PDE3B: variants seen among roughly 807,000 people sequenced by gnomAD.
PDE3B encodes phosphodiesterase 3B.
PDE3B carries 66 observed loss-of-function variants against 116.8 expected under a neutral mutation model. The ratio of observed to expected loss-of-function variants is 0.56; its 90% confidence interval spans 0.46 to 0.69. PDE3B has a LOEUF of 0.69. PDE3B is among the 30% of genes least tolerant of loss of function. The probability of loss-of-function intolerance (pLI) is 0.00; values close to 1 mark genes in which losing one functional copy is unlikely to be tolerated. For synonymous variants in PDE3B, 595 were observed against 533.6 expected (o/e 1.12, Z -1.59); for missense variants, 1,384 against 1,368.1 (o/e 1.01, Z -0.18).
chr11:14,654,485 A>G (rs548559377), intron 1 of PDE3B, among the ~76,000 whole-genome samples: 1 of 152,296 alleles, frequency 6.6e-6, no homozygotes, highest in East Asian at 1.9e-4. Context: ...AAGCTAAAAC[A>G]ATTTTAGAAA....
At chr11:14,833,583 C>A (rs1004921715) in intron 10 of PDE3B, among the ~76,000 whole-genome samples, 6 of 152,010 alleles carry the variant, frequency 3.9e-5, no homozygotes, top group Admixed American at 3.3e-4. Flanking sequence ...CAGTTTTTAA[C>A]TGTGTTCTGA....
chr11:14,746,351 C>T (rs1411372086), intron 1 of PDE3B, among the ~76,000 whole-genome samples: 3 of 152,166 alleles, frequency 2.0e-5, no homozygotes, highest in African/African-American at 7.2e-5. Flanking sequence ...CACCAGTGCA[C>T]TCCAGCCTGG....
At chr11:14,664,539 AAGAG>A (rs766471169) in intron 1 of PDE3B, among the ~76,000 whole-genome samples, 1 of 152,054 alleles carries the variant, frequency 6.6e-6, no homozygotes, top group Non-Finnish European at 1.5e-5. Context: ...TAAAGAAGAA[AAGAG>A]AGAAGAATCA....
intron 1 of PDE3B, among the ~76,000 whole-genome samples, chr11:14,672,835 T>C (rs1292369951): frequency 2.0e-5 from 3 of 152,046 alleles, no homozygotes; most frequent in African/African-American, 4.8e-5. Flanking sequence ...ATTCCACTGG[T>C]ACTTAGTCAT....
chr11:14,865,656 A>C (rs1022143627), intron 14 of PDE3B, among the ~76,000 whole-genome samples: 1 of 152,164 alleles, frequency 6.6e-6, no homozygotes, highest in Admixed American at 6.5e-5. Flanking sequence ...AATTATATTT[A>C]ATTTCGGGTA....
intron 7 of PDE3B, among the ~76,000 whole-genome samples, chr11:14,826,617 T>C (rs1436837058): frequency 6.6e-6 from 1 of 152,078 alleles, no homozygotes; most frequent in Non-Finnish European, 1.5e-5. Flanking sequence ...AAACGGAATC[T>C]GTAATAAATA....
intron 1 of PDE3B, among the ~76,000 whole-genome samples, chr11:14,686,948 T>C (rs1854896255): frequency 6.6e-6 from 1 of 152,124 alleles, no homozygotes; most frequent in Non-Finnish European, 1.5e-5. Context: ...CTCCTGACCT[T>C]GTGATCCACC....
intron 11 of PDE3B, among the ~76,000 whole-genome samples, chr11:14,841,129 A>C (rs1382516777): frequency 6.6e-6 from 1 of 151,956 alleles, no homozygotes; most frequent in Non-Finnish European, 1.5e-5. Context: ...GGCCTCATCC[A>C]GTCAGTTGAA....
chr11:14,813,822 T>A (rs1032881897), intron 5 of PDE3B, among the ~76,000 whole-genome samples: 1 of 152,056 alleles, frequency 6.6e-6, no homozygotes, highest in Admixed American at 6.6e-5. Flanking sequence ...ACAAGTAAAT[T>A]AGAGGCCAAC....
chr11:14,663,607 AG>A (rs1331924497), intron 1 of PDE3B, among the ~76,000 whole-genome samples: 4 of 152,232 alleles, frequency 2.6e-5, no homozygotes, highest in African/African-American at 4.8e-5. Context: ...AAAAAAAGGC[AG>A]GGGTTGCAAT....
At chr11:14,670,785 CTCTG>C (rs1854340301) in intron 1 of PDE3B, among the ~76,000 whole-genome samples, 1 of 152,126 alleles carries the variant, frequency 6.6e-6, no homozygotes, top group Non-Finnish European at 1.5e-5. Flanking sequence ...TTTTCCACAT[CTCTG>C]TCTGTTCCTG....
At chr11:14,650,501 C>G (rs888561660) in intron 1 of PDE3B, among the ~76,000 whole-genome samples, 1 of 152,114 alleles carries the variant, frequency 6.6e-6, no homozygotes, top group Non-Finnish European at 1.5e-5. Flanking sequence ...CCTTATGTGG[C>G]AAAATGGACT....
intron 1 of PDE3B, among the ~76,000 whole-genome samples, chr11:14,694,760 C>CT (rs1011301470): frequency 6.6e-5 from 10 of 152,082 alleles, no homozygotes; most frequent in Non-Finnish European, 1.3e-4. Flanking sequence ...CCAAGGTATG[C>CT]TTGCATTTCT....
chr11:14,759,546 TAG>T (rs1283316280), intron 1 of PDE3B, among the ~76,000 whole-genome samples: 1 of 148,054 alleles, frequency 6.8e-6, no homozygotes, highest in African/African-American at 2.5e-5. Context: ...CTATCAGAAG[TAG>T]TTTTTTTTTT....
chr11:14,742,977 G>A (rs1856811783), intron 1 of PDE3B, among the ~76,000 whole-genome samples: 1 of 152,252 alleles, frequency 6.6e-6, no homozygotes, highest in Admixed American at 6.5e-5. Flanking sequence ...GCCAGCCAGA[G>A]CTCTCCTGTA....
At chr11:14,897,640 G>A in the PDE3B span, among the ~76,000 whole-genome samples, 1 of 152,160 alleles carries the variant, frequency 6.6e-6, no homozygotes, top group African/African-American at 2.4e-5. Context: ...ATGGTTGGTG[G>A]TACAGAGGTT....
intron 1 of PDE3B, among the ~76,000 whole-genome samples, chr11:14,727,084 C>T (rs1457220593): frequency 1.3e-5 from 2 of 152,114 alleles, no homozygotes; most frequent in African/African-American, 4.8e-5. Context: ...AACCTATCTA[C>T]CAAAGTTCTC....
At position 14,756,961 on chromosome 11, in the gene PDE3B, C is replaced by T. The variant is rs919699436; in HGVS notation, c.979-14976C>T. ...ATGCTATCCCTCCCCCCTCCCCCCACCCCACCACAGTCCCCAGAGTGTGAT... is the reference window on the plus strand; with the variant it reads ...ATGCTATCCCTCCCCCCTCCCCCCATCCCACCACAGTCCCCAGAGTGTGAT... On this transcript the variant is annotated intron_variant, in intron 1 of 15. Coordinates refer to ENST00000282096, the MANE Select transcript of PDE3B (RefSeq NM_000922.4). Among the ~76,000 whole-genome samples, 123 of 114,816 alleles carry T rather than the reference C, an allele frequency of 1.1e-3. 1 individual carries two copies. Among genetic ancestry groups the T allele is most frequent in the African/African-American group, 4.0e-3 (121 of 29,996 alleles). The allele number at this position is 114,816 out of a possible 152,430, so 75.3% of individuals were successfully genotyped here.
chr11:14,709,495 A>G (rs1352390900), intron 1 of PDE3B, among the ~76,000 whole-genome samples: 3 of 152,178 alleles, frequency 2.0e-5, no homozygotes, highest in African/African-American at 7.2e-5. Context: ...ACCTGGAGGC[A>G]CTACCACTTT....
Sources: allele counts gnomAD v4.1 joint callset (sites outside exome capture counted in the v4.1 genomes callset), GRCh38; gene constraint gnomAD v4.1.1; transcripts MANE v1.5; gene names NCBI Gene and HGNC (gene_info 2026-07-23, HGNC 2026-07-21).